The following HRNR variants were observed in gnomAD, a reference collection of about 807,000 sequenced individuals.
HRNR encodes hornerin, also known as filaggrin family member 3.
In HRNR, 7 loss-of-function variants were observed where a neutral mutation model predicts 4.8. The ratio of observed to expected loss-of-function variants is 1.47; its 90% CI spans 0.83 to 2.75. HRNR has a LOEUF of 2.75. Among genes scored for constraint, HRNR ranks in the 30% most tolerant of loss-of-function variants. The probability of loss-of-function intolerance (pLI) is 0.00; values close to 1 mark genes in which losing one functional copy is unlikely to be tolerated. For synonymous variants in HRNR, 1,023 were observed against 1,242.7 expected, an observed-to-expected ratio of 0.82 and a Z score of 3.72; for missense variants, 2,879 against 3,010.4, an observed-to-expected ratio of 0.96 and a Z score of 1.02.
chr1:152,221,536 A>C, intron 2 of HRNR, 46 bp from the exon 3 acceptor site: 1 of 1,388,334 alleles, frequency 7.2e-7, no homozygotes, highest in Non-Finnish European at 9.9e-7. Context: ...AGTATGGACA[A>C]TACATCTGGC....
chr1:152,219,118 G>A lies in HRNR; in HGVS notation c.2511C>T (p.His837=), dbSNP rs139225675. 27 of 1,613,876 alleles carry A rather than the reference G, an allele frequency of 1.7e-5. No individual in the cohort carries two copies. In the African/African-American group the frequency reaches 3.2e-4, roughly 19 times the overall value. The part of the protein sequence containing the change: ...GYSQHGSASG[H]FSSQGRHGST... ...ATCCATGTCGTCCCTGGCTAGAGAAGTGACCTGAGGCAGAACCATGCTGAC... is the reference window on the plus strand; with the variant it reads ...ATCCATGTCGTCCCTGGCTAGAGAAATGACCTGAGGCAGAACCATGCTGAC... Residue 837 remains histidine (H), a synonymous_variant, in exon 3 of 3, where the codon CAC becomes CAT. Transcript: ENST00000368801.
intron 2 of HRNR, among the ~76,000 whole-genome samples, chr1:152,222,179 A>C (rs1258644629): frequency 6.6e-6 from 1 of 152,194 alleles, no homozygotes; most frequent in Non-Finnish European, 1.5e-5. Context: ...TTATATGAAC[A>C]AAGGGCTAGA....
chr1:152,218,763 T>G lies in HRNR; in HGVS notation c.2866A>C (p.Ser956Arg). The G allele has an allele frequency of 6.2e-7, 1 of 1,613,346 alleles. No individual in the cohort carries two copies. The highest frequency in any genetic ancestry group is 8.5e-7 in the Non-Finnish European group (1 of 1,179,872). The change falls in exon 3 of 3, where the codon AGC becomes CGC. Residue 956 changes from serine (S) to arginine (R), a missense_variant. Around this residue, in one of 8 missense-constraint regions of HRNR, gnomAD observed 2,646 missense variants for 1,377.7 expected, o/e 1.92. Coordinates refer to ENST00000368801, the MANE Select transcript of HRNR (RefSeq NM_001009931.3). ...QHGSGSGHSS[S>R]YEQHGSRSGQ... ...GACCTAGAGCCGTGTTGTTCGTAGC[T>G]GGAGGAGTGACCTGAGCCAGATCCA...
rs202201629 is a variant in HRNR, at chr1:152,219,066, C to G, written c.2563G>C (p.Gly855Arg). Residue 855 changes from glycine (G) to arginine (R), a missense_variant, in exon 3 of 3, where the codon GGC becomes CGC. Gly to Arg is a moderately radical substitution (Grantham distance 125). This residue lies in a region of HRNR where 2,646 missense variants were observed against 1,377.7 expected (regional missense o/e 1.92). Transcript: ENST00000368801. ...GSTSGQSSSS[G>R]QHDSSSGQSS... Reference sequence around the variant, plus strand: ...TGACCTGAGCTAGAGTCATGTTGGCCGGAGCTTGATGACTGCCCTGACGTA... The same window carrying G: ...TGACCTGAGCTAGAGTCATGTTGGCGGGAGCTTGATGACTGCCCTGACGTA... 3 of 1,613,306 alleles carry G rather than the reference C, an allele frequency of 1.9e-6. No individual in the cohort carries two copies. The highest frequency in any genetic ancestry group is 2.5e-6 in the Non-Finnish European group (3 of 1,179,912).
chr1:152,212,993 TG>T lies in HRNR; in HGVS notation c.*82del. 1 of 1,520,396 alleles carries T rather than the reference TG, an allele frequency of 6.6e-7. No individual in the cohort carries two copies. The highest frequency in any genetic ancestry group is 8.8e-7 in the Non-Finnish European group (1 of 1,132,266). The allele number at this position is 1,520,396 out of a possible 1,614,324, so 94.2% of individuals were successfully genotyped here. On this transcript the variant is annotated 3_prime_UTR_variant, in exon 3 of 3. Transcript: ENST00000368801. The stretch of plus-strand genomic sequence containing the variant: ...TTTTAGAACGAATTTCATGATGGAT[TG>T]CTTGTCTTTCATGATGAATTCATAG...
rs760069454 is a variant in HRNR, at chr1:152,219,825, A to T, written c.1804T>A (p.Ser602Thr). Reference sequence around the variant, plus strand: ...TGGGTAGAGGAATGACCCGAGCTAGATCCGTGTTGACCGTAGCCAGAGGAC... The same window carrying T: ...TGGGTAGAGGAATGACCCGAGCTAGTTCCGTGTTGACCGTAGCCAGAGGAC... ...GQSSGYGQHGSSSGHSSTHGQ... is the reference protein window; with the variant it reads ...GQSSGYGQHGTSSGHSSTHGQ... The change falls in exon 3 of 3, where the codon TCT becomes ACT. Residue 602 changes from serine (S) to threonine (T), a missense_variant. Ser to Thr is a moderately conservative substitution (Grantham distance 58, BLOSUM62 1). Transcript: ENST00000368801. 1.2e-6 allele frequency: 2 copies of T among 1,612,028 alleles called. No homozygotes were observed. Among genetic ancestry groups the T allele is most frequent in the South Asian group, 2.2e-5 (2 of 91,010 alleles).
At position 152,219,075 on chromosome 1, in the gene HRNR, A is replaced by G. The variant is rs754011406; in HGVS notation, c.2554T>C (p.Ser852Pro). The change falls in exon 3 of 3, where the codon TCA (serine) becomes CCA (proline). Residue 852 changes from serine to proline, a missense_variant. Around this residue, in one of 8 missense-constraint regions of HRNR, gnomAD observed 2,646 missense variants for 1,377.7 expected, o/e 1.92. Coordinates refer to ENST00000368801, the MANE Select transcript of HRNR (RefSeq NM_001009931.3). ...GRHGSTSGQS[S>P]SSGQHDSSSG... is the part of the protein sequence containing the mutation. The stretch of plus-strand genomic sequence containing the variant: ...CTAGAGTCATGTTGGCCGGAGCTTG[A>G]TGACTGCCCTGACGTAGATCCATGT... 52 of 1,613,468 alleles carry G rather than the reference A, an allele frequency of 3.2e-5. No homozygotes were observed. The highest frequency in any genetic ancestry group is 6.7e-5 in the Admixed American group (4 of 59,940).
chr1:152,222,008 G>A (rs958057419), intron 2 of HRNR, among the ~76,000 whole-genome samples: 2 of 152,136 alleles, frequency 1.3e-5, no homozygotes, highest in Non-Finnish European at 2.9e-5. Context: ...ATAATTTATT[G>A]TGGTAAGGTT....
Position 152,219,153 on chromosome 1 carries a change from G to T in HRNR, c.2476C>A (p.Gln826Lys). Residue 826 changes from glutamine to lysine, a missense_variant, in exon 3 of 3, where the codon CAG becomes AAG. Around this residue, in one of 8 missense-constraint regions of HRNR, gnomAD observed 2,646 missense variants for 1,377.7 expected, o/e 1.92. Transcript: ENST00000368801. ...GCAGAACCATGCTGACTATAGCCCT[G>T]TCCTGAGCCAGACTCGTGTTGCCCA... ...GFGQHESGSG[Q>K]GYSQHGSASG... The T allele has an allele frequency of 6.2e-7, 1 of 1,613,586 alleles. No homozygotes were observed. Among genetic ancestry groups the T allele is most frequent in the Non-Finnish European group, 8.5e-7 (1 of 1,179,922 alleles).
Position 152,219,589 on chromosome 1 carries a change from A to T in HRNR, c.2040T>A (p.Ser680=). 2 of 1,612,480 alleles carry T rather than the reference A, an allele frequency of 1.2e-6. No individual in the cohort carries two copies. Among genetic ancestry groups the T allele is most frequent in the South Asian group, 2.2e-5 (2 of 90,942 alleles). ...CATTGCTTGAAGACCAACCGGAGCCAGACCCATGTTGGCCGTAGCTGGAAG... is the reference window on the plus strand; with the variant it reads ...CATTGCTTGAAGACCAACCGGAGCCTGACCCATGTTGGCCGTAGCTGGAAG... The part of the protein sequence containing the change: ...GHSSSYGQHG[S]GSGWSSSNGP... The change falls in exon 3 of 3, where the codon TCT becomes TCA. Residue 680 remains serine (S), a synonymous_variant. Transcript: ENST00000368801.
intron 2 of HRNR, among the ~76,000 whole-genome samples, chr1:152,222,187 A>G (rs186760875): frequency 6.6e-6 from 1 of 152,320 alleles, no homozygotes; most frequent in East Asian, 1.9e-4. Context: ...ACAAAGGGCT[A>G]GAGGTGAGAG....
At position 152,218,999 on chromosome 1, in the gene HRNR, G is replaced by A. The variant is rs147375651; in HGVS notation, c.2630C>T (p.Ala877Val). The change falls in exon 3 of 3, where the codon GCT becomes GTT. Residue 877 changes from alanine to valine, a missense_variant. Physicochemically the swap from Ala to Val is moderately conservative, Grantham distance 64 (BLOSUM62 0). Around this residue, in one of 8 missense-constraint regions of HRNR, gnomAD observed 2,646 missense variants for 1,377.7 expected, o/e 1.92. Coordinates refer to ENST00000368801, the MANE Select transcript of HRNR (RefSeq NM_001009931.3). ...YGQHESASHH[A>V]SGRGRHGSGS... is the part of the protein sequence containing the mutation. ...AGAGCCATGTCGGCCGCGGCCCGAA[G>A]CGTGATGGGAGGCAGACTCATGCTG... The A allele has an allele frequency of 9.9e-6, 16 of 1,613,908 alleles. No individual in the cohort carries two copies. In the African/African-American group the frequency reaches 1.9e-4, roughly 19 times the overall value.
rs770833668 is a variant in HRNR at position 152,219,202 on chromosome 1, A to C, written c.2427T>G (p.Ser809=). The C allele has an allele frequency of 8.7e-6, 14 of 1,613,792 alleles. No individual in the cohort carries two copies. The highest frequency in any genetic ancestry group is 8.0e-5 in the African/African-American group (6 of 74,888). Residue 809 remains serine (S), a synonymous_variant, in exon 3 of 3, where the codon TCT becomes TCG. Coordinates refer to ENST00000368801, the MANE Select transcript of HRNR (RefSeq NM_001009931.3). The part of the protein sequence containing the change: ...SCSSSCGHYE[S]GSGQASGFGQ... ...CAAAACCAGAAGCCTGGCCTGAGCC[A>C]GACTCATAATGGCCACAGCTGGAAG... is the stretch of plus-strand genomic sequence containing the variant.
rs144495868 is a variant in HRNR, at chr1:152,218,974, A to C, written c.2655T>G (p.Ser885=). 3.7e-6 allele frequency: 6 copies of C among 1,608,756 alleles called. No homozygotes were observed. The highest frequency in any genetic ancestry group is 5.1e-6 in the Non-Finnish European group (6 of 1,179,896). ...HHASGRGRHG[S]GSGQSPGHGQ... is the part of the protein sequence containing the mutation. ...CGTGGCCTGGAGACTGGCCAGATCC[A>C]GAGCCATGTCGGCCGCGGCCCGAAG... The change falls in exon 3 of 3, where the codon TCT becomes TCG. Residue 885 remains serine (S), a synonymous_variant. Coordinates refer to ENST00000368801, the MANE Select transcript of HRNR (RefSeq NM_001009931.3).
rs750503764 is a variant in HRNR, at chr1:152,219,193, G to T, written c.2436C>A (p.Gly812=). The T allele has an allele frequency of 2.5e-6, 4 of 1,613,808 alleles. No individual in the cohort carries two copies. Among genetic ancestry groups the T allele is most frequent in the Non-Finnish European group, 3.4e-6 (4 of 1,179,974 alleles). The change falls in exon 3 of 3, where the codon GGC becomes GGA. Residue 812 remains glycine (G), a synonymous_variant. Coordinates refer to ENST00000368801, the MANE Select transcript of HRNR (RefSeq NM_001009931.3). ...CGTGTTGCCCAAAACCAGAAGCCTG[G>T]CCTGAGCCAGACTCATAATGGCCAC... is the stretch of plus-strand genomic sequence containing the variant. ...SSCGHYESGS[G]QASGFGQHES...
Position 152,212,983 on chromosome 1 carries a change from C to A in HRNR, c.*93G>T. 1.3e-6 allele frequency: 2 copies of A among 1,504,502 alleles called. No individual in the cohort carries two copies. The highest frequency in any genetic ancestry group is 1.8e-6 in the Non-Finnish European group (2 of 1,122,132). The allele number at this position is 1,504,502 out of a possible 1,614,324, so 93.2% of individuals were successfully genotyped here. A position where few individuals can be genotyped will look rare whatever the true frequency, so the allele number is the denominator to read the frequency against. On this transcript the variant is annotated 3_prime_UTR_variant, in exon 3 of 3. Coordinates refer to ENST00000368801, the MANE Select transcript of HRNR (RefSeq NM_001009931.3). Reference sequence around the variant, plus strand: ...ATTGATTCACTTTTAGAACGAATTTCATGATGGATTGCTTGTCTTTCATGA... The same window carrying A: ...ATTGATTCACTTTTAGAACGAATTTAATGATGGATTGCTTGTCTTTCATGA...
Position 152,218,754 on chromosome 1 carries a change from G to C in HRNR, c.2875C>G (p.Gln959Glu). 1 of 1,613,768 alleles carries C rather than the reference G, an allele frequency of 6.2e-7. No individual in the cohort carries two copies. Among genetic ancestry groups the C allele is most frequent in the African/African-American group, 1.3e-5 (1 of 74,892 alleles). The stretch of plus-strand genomic sequence containing the variant: ...GACTGTCCTGACCTAGAGCCGTGTT[G>C]TTCGTAGCTGGAGGAGTGACCTGAG... ...SGSGHSSSYE[Q>E]HGSRSGQSSR... Residue 959 changes from glutamine (Q) to glutamate (E), a missense_variant, in exon 3 of 3, where the codon CAA (glutamine) becomes GAA (glutamate). Gln to Glu is a conservative substitution (Grantham distance 29). Around this residue, in one of 8 missense-constraint regions of HRNR, gnomAD observed 2,646 missense variants for 1,377.7 expected, o/e 1.92. Coordinates refer to ENST00000368801, the MANE Select transcript of HRNR (RefSeq NM_001009931.3).
At position 152,221,033 on chromosome 1, in the gene HRNR, G is replaced by A; in HGVS notation, c.596C>T (p.Ser199Leu). Residue 199 changes from serine (S) to leucine (L), a missense_variant, in exon 3 of 3, where the codon TCA becomes TTA. Coordinates refer to ENST00000368801, the MANE Select transcript of HRNR (RefSeq NM_001009931.3). ...TTGGCCATAGTTGGGAGACTGCCCTGACCCAGACCCACATTGGCCGCGGCC... is the reference window on the plus strand; with the variant it reads ...TTGGCCATAGTTGGGAGACTGCCCTAACCCAGACCCACATTGGCCGCGGCC... Reference protein sequence around the residue: ...SSGRGQCGSGSGQSPNYGQHG... With the variant: ...SSGRGQCGSGLGQSPNYGQHG... 6.2e-7 allele frequency: 1 copy of A among 1,613,552 alleles called. No homozygotes were observed. Among genetic ancestry groups the A allele is most frequent in the South Asian group, 1.1e-5 (1 of 91,016 alleles).
rs1051444198 is a variant in HRNR, at chr1:152,221,322, C to G, written c.307G>C (p.Asp103His). ...YCQVSGSKLRDDTHQHQEEQE... is the reference protein window; with the variant it reads ...YCQVSGSKLRHDTHQHQEEQE... ...TCCTCTTGGTGCTGGTGAGTGTCAT[C>G]TCTCAGCTTTGACCCTGAAACTTGG... Residue 103 changes from aspartate (D) to histidine (H), a missense_variant, in exon 3 of 3, where the codon GAT becomes CAT. Around this residue, in one of 8 missense-constraint regions of HRNR, gnomAD observed 2,646 missense variants for 1,377.7 expected, o/e 1.92. Transcript: ENST00000368801. 6.2e-7 allele frequency: 1 copy of G among 1,613,992 alleles called. No individual in the cohort carries two copies. Among genetic ancestry groups the G allele is most frequent in the East Asian group, 2.2e-5 (1 of 44,888 alleles).
Sources: allele counts gnomAD v4.1 joint callset (sites outside exome capture counted in the v4.1 genomes callset), GRCh38; gene constraint gnomAD v4.1.1; regional missense constraint gnomAD v4.1.1; transcripts MANE v1.5; gene names NCBI Gene and HGNC (gene_info 2026-07-23, HGNC 2026-07-21).